The following ANKS1A variants were observed in gnomAD, a reference collection of about 807,000 sequenced individuals.
The protein encoded by ANKS1A is ankyrin repeat and SAM domain-containing protein 1A.
A neutral mutation model predicts 120.3 loss-of-function variants in ANKS1A; 55 were observed. The ratio of observed to expected loss-of-function variants is 0.46; its 90% CI spans 0.37 to 0.57. ANKS1A has a LOEUF of 0.57. ANKS1A is among the 20% of genes least tolerant of loss of function. The probability of loss-of-function intolerance (pLI) is 0.00; values close to 1 mark genes in which losing one functional copy is unlikely to be tolerated. For missense variants in ANKS1A, 1,123 were observed against 1,480.3 expected (o/e 0.76, Z 3.96); for synonymous variants, 590 against 604.7 (o/e 0.98, Z 0.36).
At chr6:35,079,268 G>C (rs1449677017) in intron 14 of ANKS1A, among the ~76,000 whole-genome samples, 1 of 152,164 alleles carries the variant, frequency 6.6e-6, no homozygotes, top group Admixed American at 6.5e-5. Flanking sequence ...TCCCTACCTA[G>C]GCTTGTCTGC....
chr6:35,037,907 G>A (rs2127574787), intron 11 of ANKS1A, among the ~76,000 whole-genome samples: 1 of 152,264 alleles, frequency 6.6e-6, no homozygotes, highest in Middle Eastern at 3.4e-3. Context: ...GCCAAGGATG[G>A]TGGTAAGAGA....
chr6:35,070,333 G>A (rs755619815), intron 13 of ANKS1A, among the ~76,000 whole-genome samples: 11 of 151,964 alleles, frequency 7.2e-5, no homozygotes, highest in East Asian at 1.9e-4. Context: ...TCCCTTTCCA[G>A]GTCTTTTTCC....
intron 1 of ANKS1A, among the ~76,000 whole-genome samples, chr6:34,948,749 G>C (rs1769924796): frequency 1.3e-5 from 2 of 152,170 alleles, no homozygotes; most frequent in Admixed American, 6.5e-5. Flanking sequence ...ATTCTGAGCT[G>C]TGAAAAGTAA....
chr6:34,906,398 C>T (rs16895362), intron 1 of ANKS1A, among the ~76,000 whole-genome samples: 11,748 of 152,188 alleles, frequency 0.077, 648 homozygotes, highest in East Asian at 0.33. Context: ...TCTCTCTGCT[C>T]GTGAAACTTT....
rs1038702338 is a variant in ANKS1A, at chr6:35,083,032, G to GGA, written c.2836-119_2836-118dup. 5.2e-6 allele frequency: 7 copies of GGA among 1,335,816 alleles called. No individual in the cohort carries two copies. The African/African-American group carries it at 1.0e-4, about 19-fold the overall frequency. 82.7% of individuals were successfully genotyped at this position (1,335,816 alleles called of 1,614,324 possible). The stretch of plus-strand genomic sequence containing the variant: ...ATGGAGGGTCTCTCCAGCTGGGGCA[G>GGA]GAGAGGGGGTGTTGTTATTGAGAGG... On this transcript the variant is annotated intron_variant, in intron 18 of 23. Coordinates refer to ENST00000360359, the MANE Select transcript of ANKS1A (RefSeq NM_015245.3).
intron 12 of ANKS1A, 147 bp downstream of exon 12, chr6:35,054,312 C>T (rs1349422101): frequency 1.5e-6 from 1 of 667,448 alleles, no homozygotes; most frequent in Non-Finnish European, 2.6e-6. Flanking sequence ...ATTCAGTCTC[C>T]AATACCTAGA....
chr6:35,036,116 C>T (rs760773077), intron 11 of ANKS1A, among the ~76,000 whole-genome samples: 2 of 152,218 alleles, frequency 1.3e-5, no homozygotes, highest in Non-Finnish European at 2.9e-5. Context: ...GGTGCTTTTA[C>T]ATTCTTTGAT....
intron 11 of ANKS1A, among the ~76,000 whole-genome samples, chr6:35,048,021 A>C (rs1775796420): frequency 6.6e-6 from 1 of 152,160 alleles, no homozygotes; most frequent in South Asian, 2.1e-4. Flanking sequence ...TCAGCAACCC[A>C]AGAGGTATAG....
chr6:34,985,289 C>T lies in ANKS1A; in HGVS notation c.1209+11C>T, dbSNP rs766755805. ...GCTGGAGTGAGGCCTGTATGTGACC[C>T]GGGGCTTACACCTCCTGGGGGCTGT... On this transcript the variant is annotated intron_variant, in intron 8 of 23. Transcript: ENST00000360359. 2.6e-5 allele frequency: 42 copies of T among 1,611,134 alleles called. No individual in the cohort carries two copies. Among genetic ancestry groups the T allele is most frequent in the African/African-American group, 4.0e-5 (3 of 74,856 alleles).
At chr6:35,010,860 C>T (rs1192926417) in intron 10 of ANKS1A, among the ~76,000 whole-genome samples, 3 of 151,976 alleles carry the variant, frequency 2.0e-5, no homozygotes, top group Non-Finnish European at 4.4e-5. Flanking sequence ...GATTGTCCTC[C>T]AAAAAGTGCA....
At chr6:35,081,283 C>A in intron 17 of ANKS1A, 125 bp downstream of exon 17, 1 of 1,275,486 alleles carries the variant, frequency 7.8e-7, no homozygotes, top group Non-Finnish European at 1.1e-6. Context: ...AGTCAGGAGG[C>A]ACTAGCCTGC....
Position 34,926,808 on chromosome 6 carries a change from A to G in ANKS1A, c.197+37209A>G, listed in dbSNP as rs139701167. ...GAGCTTGCTTCCTGTCATCAGTTAC[A>G]GAATATTAGATAGTGTGCAACTTTG... On this transcript the variant is annotated intron_variant, in intron 1 of 23. Coordinates refer to ENST00000360359, the MANE Select transcript of ANKS1A (RefSeq NM_015245.3). Among the ~76,000 whole-genome samples the G allele has an allele frequency of 1.4e-4, 22 of 152,302 alleles. No individual in the cohort carries two copies. The East Asian group carries it at 4.3e-3, about 29-fold the overall frequency.
chr6:34,939,220 T>G (rs956051212), intron 1 of ANKS1A, among the ~76,000 whole-genome samples: 1 of 152,184 alleles, frequency 6.6e-6, no homozygotes, highest in African/African-American at 2.4e-5. Context: ...CTAGGAGCCC[T>G]TCCCTACAGG....
At chr6:35,026,548 G>A (rs895294043) in intron 11 of ANKS1A, among the ~76,000 whole-genome samples, 7 of 152,094 alleles carry the variant, frequency 4.6e-5, no homozygotes, top group Admixed American at 3.3e-4. Context: ...GAACAATACA[G>A]CCAAGAACAG....
At chr6:35,024,888 A>G (rs1410926224) in intron 11 of ANKS1A, among the ~76,000 whole-genome samples, 1 of 152,186 alleles carries the variant, frequency 6.6e-6, no homozygotes, top group Non-Finnish European at 1.5e-5. Context: ...ATGATGACTA[A>G]ATTTCCCACG....
intron 9 of ANKS1A, among the ~76,000 whole-genome samples, 164 bp downstream of exon 9, chr6:34,989,480 C>G (rs187901536): frequency 4.9e-4 from 74 of 152,330 alleles, no homozygotes; most frequent in African/African-American, 1.8e-3. Flanking sequence ...CTTCCAAACT[C>G]ACAAAGAATT....
chr6:35,028,955 G>A (rs1056408638), intron 11 of ANKS1A, among the ~76,000 whole-genome samples: 7 of 152,156 alleles, frequency 4.6e-5, no homozygotes, highest in Admixed American at 1.3e-4. Flanking sequence ...GAGTTTGTGC[G>A]TGTTAAATTT....
At chr6:34,898,622 A>G (rs1218345666) in intron 1 of ANKS1A, among the ~76,000 whole-genome samples, 1 of 152,206 alleles carries the variant, frequency 6.6e-6, no homozygotes, top group East Asian at 1.9e-4. Flanking sequence ...AAATTGCAAG[A>G]CAAAGAAATG....
chr6:35,053,528 A>C (rs1413801225), intron 11 of ANKS1A, among the ~76,000 whole-genome samples: 1 of 152,254 alleles, frequency 6.6e-6, no homozygotes, highest in Non-Finnish European at 1.5e-5. Context: ...ATTTGGGCCT[A>C]AGTGCCTGCC....
Sources: gnomAD v4.1 joint callset for allele counts (sites outside exome capture counted in the v4.1 genomes callset) on GRCh38, gnomAD v4.1.1 for gene constraint, MANE v1.5 for transcripts, NCBI Gene and HGNC (gene_info 2026-07-23, HGNC 2026-07-21) for gene names.